SLC24A2: variants seen among roughly 807,000 people sequenced by gnomAD.
SLC24A2 encodes the protein sodium/potassium/calcium exchanger 2.
SLC24A2 carries 36 observed loss-of-function variants against 62.0 expected under a neutral mutation model. The observed-to-expected ratio is 0.58, with a 90% CI of 0.44 to 0.77. SLC24A2 has a LOEUF of 0.77. Ranked by LOEUF, SLC24A2 falls within the 30% of genes least tolerant of loss-of-function variation. SLC24A2 has a pLI of 0.00. For missense variants in SLC24A2, 846 were observed against 817.9 expected (o/e 1.03, Z -0.42); for synonymous variants, 358 against 294.0 (o/e 1.22, Z -2.23).
chr9:19,969,660 A>G, the SLC24A2 span, among the ~76,000 whole-genome samples: 3 of 152,196 alleles, frequency 2.0e-5, no homozygotes, highest in Admixed American at 2.0e-4. Context: ...TAAGAAAAGA[A>G]CCAAGAAGCA....
At chr9:19,596,475 CA>C (rs1198139338) in intron 5 of SLC24A2, among the ~76,000 whole-genome samples, 1 of 152,170 alleles carries the variant, frequency 6.6e-6, no homozygotes, top group Non-Finnish European at 1.5e-5. Context: ...TCCAAGAATT[CA>C]AAATCTTCAC....
At chr9:19,997,626 G>A in the SLC24A2 span, among the ~76,000 whole-genome samples, 2 of 152,092 alleles carry the variant, frequency 1.3e-5, no homozygotes, top group African/African-American at 4.8e-5. Context: ...TAAACAGAGA[G>A]AATTTACTGA....
chr9:20,260,597 A>G, the SLC24A2 span, among the ~76,000 whole-genome samples: 1 of 152,212 alleles, frequency 6.6e-6, no homozygotes, highest in African/African-American at 2.4e-5. Context: ...CTGCTATAAC[A>G]GAATACCACA....
At chr9:20,230,248 C>T in the SLC24A2 span, among the ~76,000 whole-genome samples, 1 of 152,080 alleles carries the variant, frequency 6.6e-6, no homozygotes, top group African/African-American at 2.4e-5. Context: ...GGTATATACC[C>T]AGTAATGGGA....
chr9:20,267,058 G>GA, the SLC24A2 span, among the ~76,000 whole-genome samples: 29,193 of 127,484 alleles, frequency 0.23, 4,321 homozygotes, highest in East Asian at 0.56. Context: ...CTTAAGAAAT[G>GA]AAAAAAAAAA....
At chr9:20,143,574 C>A in the SLC24A2 span, among the ~76,000 whole-genome samples, 1 of 152,126 alleles carries the variant, frequency 6.6e-6, no homozygotes, top group East Asian at 1.9e-4. Flanking sequence ...TTATACTTTT[C>A]TCCCATGTCT....
chr9:20,162,098 C>G, the SLC24A2 span, among the ~76,000 whole-genome samples: 1 of 151,736 alleles, frequency 6.6e-6, no homozygotes, highest in South Asian at 2.1e-4. Context: ...CTATAAAATT[C>G]AGTAACTCAA....
At chr9:20,141,318 C>T in the SLC24A2 span, among the ~76,000 whole-genome samples, 1 of 152,084 alleles carries the variant, frequency 6.6e-6, no homozygotes, top group East Asian at 1.9e-4. Context: ...TTTCTCTCTA[C>T]TCTGTGTAGG....
chr9:20,070,419 C>T, the SLC24A2 span, among the ~76,000 whole-genome samples: 3 of 152,196 alleles, frequency 2.0e-5, no homozygotes, highest in Admixed American at 2.0e-4. Flanking sequence ...AAAATAAGCT[C>T]AGCTTTGTCT....
the SLC24A2 span, among the ~76,000 whole-genome samples, chr9:19,978,386 G>C: frequency 6.6e-6 from 1 of 151,864 alleles, no homozygotes; most frequent in Non-Finnish European, 1.5e-5. Context: ...TCTTTAGCCT[G>C]CTCCAAATGC....
chr9:19,723,654 A>G (rs140813524), intron 2 of SLC24A2, among the ~76,000 whole-genome samples: 10 of 152,276 alleles, frequency 6.6e-5, no homozygotes, highest in Admixed American at 1.3e-4. Flanking sequence ...GTATAGTTGA[A>G]TCAGATATGG....
At chr9:19,993,364 A>G in the SLC24A2 span, among the ~76,000 whole-genome samples, 1 of 152,248 alleles carries the variant, frequency 6.6e-6, no homozygotes, top group East Asian at 1.9e-4. Flanking sequence ...TAGAATATAT[A>G]AACTCACAGC....
At chr9:20,303,107 C>T in the SLC24A2 span, among the ~76,000 whole-genome samples, 42 of 151,666 alleles carry the variant, frequency 2.8e-4, no homozygotes, top group East Asian at 7.9e-3. Flanking sequence ...TACTAAGATA[C>T]ATAGATATAT....
intron 8 of SLC24A2, among the ~76,000 whole-genome samples, chr9:19,534,749 A>G (rs905223891): frequency 6.6e-6 from 1 of 152,132 alleles, no homozygotes; most frequent in African/African-American, 2.4e-5. Context: ...TTCTTTATCC[A>G]GTCTACCACT....
the SLC24A2 span, among the ~76,000 whole-genome samples, chr9:19,883,778 G>T: frequency 2.0e-5 from 3 of 152,074 alleles, no homozygotes; most frequent in African/African-American, 7.2e-5. Context: ...TGTTAGCCAG[G>T]ATGGTCTTGA....
chr9:19,711,792 T>C (rs1390254115), intron 2 of SLC24A2, among the ~76,000 whole-genome samples: 2 of 152,186 alleles, frequency 1.3e-5, no homozygotes, highest in Non-Finnish European at 2.9e-5. Context: ...CTCTGTTGTG[T>C]AGGCAGAAAA....
At chr9:19,901,163 T>C in the SLC24A2 span, among the ~76,000 whole-genome samples, 6 of 152,134 alleles carry the variant, frequency 3.9e-5, no homozygotes, top group African/African-American at 7.2e-5. Context: ...ACAGAGAATT[T>C]TGTAAGGGAG....
the SLC24A2 span, among the ~76,000 whole-genome samples, chr9:19,938,756 A>G: frequency 9.9e-5 from 15 of 152,278 alleles, no homozygotes; most frequent in Middle Eastern, 0.017. Context: ...TATTGCTACA[A>G]TTTAATAATG....
chr9:20,201,504 G>T, the SLC24A2 span, among the ~76,000 whole-genome samples: 2 of 152,060 alleles, frequency 1.3e-5, no homozygotes, highest in African/African-American at 4.8e-5. Context: ...GATAGAGAAG[G>T]GAAAAGAAAG....
Sources: gnomAD v4.1 joint callset for allele counts (sites outside exome capture counted in the v4.1 genomes callset) on GRCh38, gnomAD v4.1.1 for gene constraint, MANE v1.5 for transcripts, NCBI Gene and HGNC (gene_info 2026-07-23, HGNC 2026-07-21) for gene names.